The following BRIP1 variants were observed in gnomAD, a reference collection of about 807,000 sequenced individuals.
BRIP1 encodes BRCA1 interacting DNA helicase 1.
In BRIP1, 88 loss-of-function variants were observed where a neutral mutation model predicts 119.7. The observed-to-expected ratio is 0.74, with a 90% CI of 0.62 to 0.88. The LOEUF (loss-of-function observed/expected upper bound fraction) is 0.88. Ranked by LOEUF, BRIP1 falls within the 40% of genes least tolerant of loss-of-function variation. BRIP1 has a pLI of 0.00. For synonymous variants in BRIP1, 443 were observed against 496.5 expected (o/e 0.89, Z 1.43); for missense variants, 1,259 against 1,455.4 (o/e 0.87, Z 2.20).
chr17:61,715,154 C>T (rs1399558696), intron 17 of BRIP1, among the ~76,000 whole-genome samples: 1 of 151,394 alleles, frequency 6.6e-6, no homozygotes, highest in Non-Finnish European at 1.5e-5. Context: ...GAGCCGATAT[C>T]ACGCCACTGC....
chr17:61,744,522 C>T lies in BRIP1; in HGVS notation c.2167G>A (p.Val723Ile), dbSNP rs145616741. The part of the protein sequence containing the change: ...LWHNLELVKT[V>I]IVEPQGGEKT... ...TCTCCTCCCTGTGGTTCTACAATGA[C>T]TGTCTTCACCAACTCCAGATTATGC... The change falls in exon 15 of 20, where the codon GTC becomes ATC. Residue 723 changes from valine to isoleucine, a missense_variant. Physicochemically the swap from Val to Ile is conservative, Grantham distance 29 (BLOSUM62 3). Around this residue, in one of 3 missense-constraint regions of BRIP1, gnomAD observed 753 missense variants for 891.8 expected, o/e 0.84. Coordinates refer to ENST00000259008, the MANE Select transcript of BRIP1 (RefSeq NM_032043.3). This position sits in a 1 kb window ranked among gnomAD's most constrained non-coding sequence, Gnocchi z 5.0. 3 of 1,613,704 alleles carry T rather than the reference C, an allele frequency of 1.9e-6. No homozygotes were observed. Among genetic ancestry groups the T allele is most frequent in the African/African-American group, 1.3e-5 (1 of 74,910 alleles).
chr17:61,702,733 G>A lies in BRIP1; in HGVS notation c.2493-9221C>T, dbSNP rs148699019. ...CAATAGGCATTTAGGTTGATTCCAC[G>A]TCTTTGCTACTGTGAATAGTGCTGT... On this transcript the variant is annotated intron_variant, in intron 17 of 19. Transcript: ENST00000259008. Among the ~76,000 whole-genome samples the A allele has an allele frequency of 5.4e-3, 824 of 152,194 alleles. 5 individuals carry two copies. The highest frequency in any genetic ancestry group is 8.6e-3 in the Non-Finnish European group (585 of 68,018).
chr17:61,725,741 C>A lies in BRIP1; in HGVS notation c.2380-9678G>T, dbSNP rs951829042. Among the ~76,000 whole-genome samples the A allele has an allele frequency of 3.9e-5, 6 of 152,110 alleles. No individual in the cohort carries two copies. The highest frequency in any genetic ancestry group is 7.4e-5 in the Non-Finnish European group (5 of 68,012). On this transcript the variant is annotated intron_variant, in intron 16 of 19. Transcript: ENST00000259008. The surrounding 1 kb of genome is among the most constrained non-coding windows in gnomAD (Gnocchi z 5.3). ...GGTTCAAGCAATCATTCTGCTTCAG[C>A]CTCCTCAGTAGCTAGGACTTACAGA...
Position 61,839,915 on chromosome 17 carries a change from T to C in BRIP1, c.627+7186A>G, listed in dbSNP as rs79131417. Among the ~76,000 whole-genome samples the C allele has an allele frequency of 5.8e-3, 880 of 152,274 alleles. 5 individuals are homozygous for C. Among genetic ancestry groups the C allele is most frequent in the African/African-American group, 0.02 (823 of 41,554 alleles). ...AGCAGACCATAATCAATGATCAACA[T>C]ATATCAGCATACTACATAACCAAAA... On this transcript the variant is annotated intron_variant, in intron 6 of 19. Coordinates refer to ENST00000259008, the MANE Select transcript of BRIP1 (RefSeq NM_032043.3).
Position 61,712,486 on chromosome 17 carries a change from T to C in BRIP1, c.2492+3465A>G, listed in dbSNP as rs2061793909. ...GCCTCCACCTACCAAAGGGCTGGGA[T>C]TACAGGCATGAGCCACCTCACCTGG... is the stretch of plus-strand genomic sequence containing the variant. On this transcript the variant is annotated intron_variant, in intron 17 of 19. Transcript: ENST00000259008. 2.6e-5 allele frequency among the ~76,000 whole-genome samples: 4 copies of C among 152,190 alleles called. No homozygotes were observed. The South Asian group carries it at 8.3e-4, about 32-fold the overall frequency.
intron 16 of BRIP1, among the ~76,000 whole-genome samples, chr17:61,731,099 G>A (rs2076837777): frequency 2.0e-5 from 3 of 151,158 alleles, no homozygotes; most frequent in Admixed American, 2.0e-4. Flanking sequence ...AAAAAGCTGG[G>A]GAAAAAAATA....
At position 61,705,964 on chromosome 17, in the gene BRIP1, AT is replaced by A. The variant is rs2061684908; in HGVS notation, c.2492+9986del. On this transcript the variant is annotated intron_variant, in intron 17 of 19. Transcript: ENST00000259008. The surrounding 1 kb of genome is among the most constrained non-coding windows in gnomAD (Gnocchi z 5.0). ...TAATAATGTTGCTCAAGTCATCTATATCTTTATTAGTTTGTCTACTAGTTCT... is the reference window on the plus strand; with the variant it reads ...TAATAATGTTGCTCAAGTCATCTATACTTTATTAGTTTGTCTACTAGTTCT... 1.3e-5 allele frequency among the ~76,000 whole-genome samples: 2 copies of A among 152,194 alleles called. No individual in the cohort carries two copies. The highest frequency in any genetic ancestry group is 1.9e-4 in the East Asian group (1 of 5,182).
At chr17:61,721,065 C>T (rs1039443161) in intron 16 of BRIP1, among the ~76,000 whole-genome samples, 1 of 151,914 alleles carries the variant, frequency 6.6e-6, no homozygotes, top group African/African-American at 2.4e-5. Context: ...TGGTCTCAAA[C>T]GCCTGACCTC....
Position 61,796,529 on chromosome 17 carries a change from T to C in BRIP1, c.1340+2571A>G, listed in dbSNP as rs1195965867. On this transcript the variant is annotated intron_variant, in intron 9 of 19. Coordinates refer to ENST00000259008, the MANE Select transcript of BRIP1 (RefSeq NM_032043.3). The surrounding 1 kb of genome is among the most constrained non-coding windows in gnomAD (Gnocchi z 4.8). Reference sequence around the variant, plus strand: ...AAGAGACTGTCTTTCCCTCAGTGCATGTTCGTGGCACCTGTGTCAAAAATG... The same window carrying C: ...AAGAGACTGTCTTTCCCTCAGTGCACGTTCGTGGCACCTGTGTCAAAAATG... 7.9e-5 allele frequency among the ~76,000 whole-genome samples: 12 copies of C among 152,064 alleles called. No individual in the cohort carries two copies. The South Asian group carries it at 1.7e-3, about 21-fold the overall frequency.
Position 61,861,424 on chromosome 17 carries a change from C to T in BRIP1, c.93+23G>A, listed in dbSNP as rs1465912639. 6.6e-7 allele frequency: 1 copy of T among 1,526,630 alleles called. No individual in the cohort carries two copies. Among genetic ancestry groups the T allele is most frequent in the Admixed American group, 1.7e-5 (1 of 59,770 alleles). 94.6% of individuals were successfully genotyped at this position (1,526,630 alleles called of 1,614,324 possible). The stretch of plus-strand genomic sequence containing the variant: ...ATAAGTATCTATATCTTAATAAAAA[C>T]TTAACTGCTGAAAAATACTTACAGA... On this transcript the variant is annotated intron_variant, in intron 2 of 19. Transcript: ENST00000259008. This position sits in a 1 kb window ranked among gnomAD's most constrained non-coding sequence, Gnocchi z 4.5.
rs901593359 is a variant in BRIP1 at position 61,767,322 on chromosome 17, G to A, written c.2097+9079C>T. 2.0e-5 allele frequency among the ~76,000 whole-genome samples: 3 copies of A among 152,086 alleles called. No individual in the cohort carries two copies. Among genetic ancestry groups the A allele is most frequent in the Non-Finnish European group, 4.4e-5 (3 of 68,030 alleles). ...GAGATAGGGTCTTGCTATTGGCCAA[G>A]CTGGAGTGCAGTGGTGTGATCACAG... On this transcript the variant is annotated intron_variant, in intron 14 of 19. Coordinates refer to ENST00000259008, the MANE Select transcript of BRIP1 (RefSeq NM_032043.3). This position sits in a 1 kb window ranked among gnomAD's most constrained non-coding sequence, Gnocchi z 5.7.
At chr17:61,849,575 TA>T (rs1327634190) in intron 4 of BRIP1, among the ~76,000 whole-genome samples, 1 of 152,202 alleles carries the variant, frequency 6.6e-6, no homozygotes, top group African/African-American at 2.4e-5. Context: ...TTCATGTCTG[TA>T]AAAATCTTTC....
chr17:61,781,644 C>T (rs2077620661), intron 11 of BRIP1, among the ~76,000 whole-genome samples: 1 of 152,100 alleles, frequency 6.6e-6, no homozygotes, highest in Non-Finnish European at 1.5e-5. Flanking sequence ...AAAATGTGGC[C>T]AGGCGCGGTG....
chr17:61,714,902 A>C (rs1291772213), intron 17 of BRIP1, among the ~76,000 whole-genome samples: 1 of 151,190 alleles, frequency 6.6e-6, no homozygotes, highest in Non-Finnish European at 1.5e-5. Flanking sequence ...CCCAGGCTCA[A>C]GCGATCCTCC....
rs1452529008 is a variant in BRIP1, at chr17:61,699,126, C to A, written c.2493-5614G>T. Among the ~76,000 whole-genome samples the A allele has an allele frequency of 2.0e-5, 3 of 152,044 alleles. No homozygotes were observed. Among genetic ancestry groups the A allele is most frequent in the African/African-American group, 7.2e-5 (3 of 41,414 alleles). Reference sequence around the variant, plus strand: ...TTTGTTTACTATTTGCATGGTATGTCTTTTCCCATCATTTTATTTTCAACC... The same window carrying A: ...TTTGTTTACTATTTGCATGGTATGTATTTTCCCATCATTTTATTTTCAACC... On this transcript the variant is annotated intron_variant, in intron 17 of 19. Transcript: ENST00000259008. This position sits in a 1 kb window ranked among gnomAD's most constrained non-coding sequence, Gnocchi z 4.8.
At position 61,757,936 on chromosome 17, in the gene BRIP1, T is replaced by G. The variant is rs185309781; in HGVS notation, c.2098-13345A>C. ...TGAGCCAGGGAGGTAAAGACTACAG[T>G]GAGCCAGTGATTGTACCACCACATT... On this transcript the variant is annotated intron_variant, in intron 14 of 19. Transcript: ENST00000259008. This position sits in a 1 kb window ranked among gnomAD's most constrained non-coding sequence, Gnocchi z 4.3. 1.3e-5 allele frequency among the ~76,000 whole-genome samples: 2 copies of G among 150,590 alleles called. No homozygotes were observed. The highest frequency in any genetic ancestry group is 4.9e-5 in the African/African-American group (2 of 40,846).
chr17:61,831,889 G>A lies in BRIP1; in HGVS notation c.627+15212C>T, dbSNP rs1047617287. Among the ~76,000 whole-genome samples, 3 of 152,208 alleles carry A rather than the reference G, an allele frequency of 2.0e-5. No homozygotes were observed. The highest frequency in any genetic ancestry group is 7.2e-5 in the African/African-American group (3 of 41,530). ...TACTGGAATGGAACTGGATGTATTG[G>A]TATAAACACTCATAATTTTCAGTGT... is the stretch of plus-strand genomic sequence containing the variant. On this transcript the variant is annotated intron_variant, in intron 6 of 19. Coordinates refer to ENST00000259008, the MANE Select transcript of BRIP1 (RefSeq NM_032043.3). This position sits in a 1 kb window ranked among gnomAD's most constrained non-coding sequence, Gnocchi z 4.1.
rs1230175864 is a variant in BRIP1, at chr17:61,784,435, T to C, written c.1474-11A>G. Reference sequence around the variant, plus strand: ...AGCAGAAAAATGTCCCTATAAGAAATTACCATATTAAGTATAGAGGGGTTG... The same window carrying C: ...AGCAGAAAAATGTCCCTATAAGAAACTACCATATTAAGTATAGAGGGGTTG... On this transcript the variant is annotated splice_polypyrimidine_tract_variant and intron_variant, in intron 10 of 19. Transcript: ENST00000259008. The C allele has an allele frequency of 1.2e-6, 2 of 1,609,418 alleles. No homozygotes were observed. Among genetic ancestry groups the C allele is most frequent in the Non-Finnish European group, 8.5e-7 (1 of 1,176,378 alleles).
chr17:61,729,274 G>A lies in BRIP1; in HGVS notation c.2380-13211C>T, dbSNP rs971014583. 1.1e-4 allele frequency among the ~76,000 whole-genome samples: 16 copies of A among 151,772 alleles called. No individual in the cohort carries two copies. Among genetic ancestry groups the A allele is most frequent in the African/African-American group, 3.9e-4 (16 of 41,318 alleles). ...AGCCTGGGAAACAAAAGCAAACTCC[G>A]TCTCAAAAACAAAACAAAACAAAAC... On this transcript the variant is annotated intron_variant, in intron 16 of 19. Transcript: ENST00000259008. This position sits in a 1 kb window ranked among gnomAD's most constrained non-coding sequence, Gnocchi z 5.6.
Sources: gnomAD v4.1 joint callset for allele counts (sites outside exome capture counted in the v4.1 genomes callset) on GRCh38, gnomAD v4.1.1 for gene constraint, gnomAD v4.1.1 regional missense constraint, Gnocchi (gnomAD v3.1) non-coding constraint, MANE v1.5 for transcripts, NCBI Gene and HGNC (gene_info 2026-07-23, HGNC 2026-07-21) for gene names.